KLF17: variants seen among roughly 807,000 people sequenced by gnomAD.
The protein encoded by KLF17 is KLF transcription factor 17, also known as Krueppel-like factor 17.
In KLF17, 31 loss-of-function variants were observed where a neutral mutation model predicts 34.2. The ratio of observed to expected loss-of-function variants is 0.91; its 90% CI spans 0.68 to 1.22. KLF17 has a LOEUF of 1.22. KLF17 is among the 50% of genes most tolerant of loss of function. The pLI, the probability that KLF17 is intolerant of heterozygous loss-of-function variation, is 0.00. For synonymous variants in KLF17, 179 were observed against 186.7 expected (o/e 0.96, Z 0.34); for missense variants, 478 against 505.2 (o/e 0.95, Z 0.52).
the KLF17 span, among the ~76,000 whole-genome samples, chr1:44,098,520 G>T: frequency 7.4e-6 from 1 of 134,910 alleles, no homozygotes; most frequent in African/African-American, 2.7e-5. Context: ...TTTTTGTGAT[G>T]TATTTATTCA....
the KLF17 span, among the ~76,000 whole-genome samples, chr1:44,073,711 T>TC: frequency 6.6e-6 from 1 of 152,014 alleles, no homozygotes; most frequent in Non-Finnish European, 1.5e-5. Flanking sequence ...ACTGCTGCAC[T>TC]CCCCTGGGGA....
chr1:44,051,794 G>A, the KLF17 span, among the ~76,000 whole-genome samples: 3 of 152,200 alleles, frequency 2.0e-5, no homozygotes, highest in African/African-American at 7.2e-5. Flanking sequence ...AAGGCCTCCT[G>A]TTGTGTTGTT....
chr1:44,094,585 T>G, the KLF17 span, among the ~76,000 whole-genome samples: 1 of 152,242 alleles, frequency 6.6e-6, no homozygotes, highest in Admixed American at 6.5e-5. Context: ...CAGCACCATT[T>G]ATTGACAATA....
chr1:44,051,740 G>C, the KLF17 span, among the ~76,000 whole-genome samples: 2 of 149,262 alleles, frequency 1.3e-5, no homozygotes, highest in Non-Finnish European at 3.0e-5. Flanking sequence ...ATTTTCTGTT[G>C]ACTAAATTTG....
chr1:44,124,920 C>T (rs1240476707), intron 1 of KLF17, among the ~76,000 whole-genome samples: 2 of 152,192 alleles, frequency 1.3e-5, no homozygotes, highest in Non-Finnish European at 2.9e-5. Context: ...ATAAAAACTG[C>T]TTCTGTATAG....
the KLF17 span, among the ~76,000 whole-genome samples, chr1:44,073,209 C>CTTTTTTTTTT: frequency 3.6e-5 from 5 of 137,794 alleles, no homozygotes; most frequent in Non-Finnish European, 4.7e-5. Flanking sequence ...TCTTCTTCTT[C>CTTTTTTTTTT]TTTTTTTTTT....
chr1:44,106,558 T>G, the KLF17 span: 1 of 152,198 alleles, frequency 6.6e-6, no homozygotes, highest in African/African-American at 2.4e-5. Context: ...TGACAGTCTC[T>G]CCATATAGAA....
At chr1:44,119,147 A>G (rs1181839811) in intron 1 of KLF17, among the ~76,000 whole-genome samples, 159 bp downstream of exon 1, 3 of 88,930 alleles carry the variant, frequency 3.4e-5, no homozygotes, top group Non-Finnish European at 6.8e-5. Flanking sequence ...GAGATTGGGG[A>G]GGGGTTGCAA....
the KLF17 span, among the ~76,000 whole-genome samples, chr1:44,068,149 T>C: frequency 6.6e-6 from 1 of 152,052 alleles, no homozygotes; most frequent in African/African-American, 2.4e-5. Context: ...CTCAGCCTCC[T>C]GAGTAGCTAG....
At chr1:44,049,755 T>A in the KLF17 span, among the ~76,000 whole-genome samples, 1 of 152,254 alleles carries the variant, frequency 6.6e-6, no homozygotes, top group African/African-American at 2.4e-5. Context: ...AGGGTTGGAA[T>A]TACCAGCGTG....
At chr1:44,125,577 C>T (rs1158256480) in intron 1 of KLF17, among the ~76,000 whole-genome samples, 1 of 152,176 alleles carries the variant, frequency 6.6e-6, no homozygotes, top group Non-Finnish European at 1.5e-5. Flanking sequence ...AAGCAATTCT[C>T]GTGCCTCAGC....
At chr1:44,090,346 T>G in the KLF17 span, among the ~76,000 whole-genome samples, 4 of 113,954 alleles carry the variant, frequency 3.5e-5, no homozygotes, top group Non-Finnish European at 1.9e-5. Flanking sequence ...AAGAAAAGAT[T>G]TGTTGACTCC....
In KLF17 at chr1:44,122,994, TAATTTTG is replaced by T. The variant is rs1460824075; in HGVS notation, c.81+4013_81+4019del. Among the ~76,000 whole-genome samples the T allele has an allele frequency of 1.1e-4, 16 of 152,358 alleles. 2 individuals are homozygous for T. The highest frequency in any genetic ancestry group is 3.8e-4 in the African/African-American group (16 of 41,586). Reference sequence around the variant, plus strand: ...GTAATATTTAACTGCAATTATTTGGTAATTTTGAATTTTTTTTTCTTTTAGAGGCAGA... The same window carrying T: ...GTAATATTTAACTGCAATTATTTGGTAATTTTTTTTTCTTTTAGAGGCAGA... On this transcript the variant is annotated intron_variant, in intron 1 of 3. Transcript: ENST00000372299.
At chr1:44,122,783 G>C (rs556618336) in intron 1 of KLF17, among the ~76,000 whole-genome samples, 30 of 152,076 alleles carry the variant, frequency 2.0e-4, no homozygotes, top group Non-Finnish European at 2.9e-4. Context: ...ATTTTTAGTA[G>C]AGACAGGGTT....
the KLF17 span, among the ~76,000 whole-genome samples, chr1:44,058,807 T>G: frequency 6.6e-6 from 1 of 150,934 alleles, no homozygotes; most frequent in Non-Finnish European, 1.5e-5. Flanking sequence ...ATCTCCTGTT[T>G]GATGAAGAGA....
chr1:44,122,188 C>T, intron 1 of KLF17: 1 of 1,598,098 alleles, frequency 6.3e-7, no homozygotes. Flanking sequence ...CTGCCACGGC[C>T]ACGTCCTCTT....
At chr1:44,112,188 A>C in the KLF17 span, among the ~76,000 whole-genome samples, 1 of 152,334 alleles carries the variant, frequency 6.6e-6, no homozygotes, top group East Asian at 1.9e-4. Context: ...ATTACAAACA[A>C]TGGTGCAATA....
chr1:44,062,558 T>C, the KLF17 span, among the ~76,000 whole-genome samples: 1 of 102,934 alleles, frequency 9.7e-6, no homozygotes, highest in Non-Finnish European at 2.0e-5. Context: ...AATAAATTAA[T>C]TAATTAAAAA....
chr1:44,093,549 C>T, the KLF17 span, among the ~76,000 whole-genome samples: 11 of 152,148 alleles, frequency 7.2e-5, no homozygotes. Flanking sequence ...CATTTGCCAC[C>T]ACATCCAGCT....
Sources: allele counts gnomAD v4.1 joint callset (sites outside exome capture counted in the v4.1 genomes callset), GRCh38; gene constraint gnomAD v4.1.1; transcripts MANE v1.5; gene names NCBI Gene and HGNC (gene_info 2026-07-23, HGNC 2026-07-21).